AVEN: variants seen among roughly 807,000 people sequenced by gnomAD.
AVEN encodes apoptosis and caspase activation inhibitor, also known as cell death regulator Aven.
Under a neutral mutation model 38.1 loss-of-function variants are expected in AVEN, and 41 were observed. The observed-to-expected ratio is 1.08, with a 90% CI of 0.84 to 1.40. The LOEUF is 1.40. Ranked by LOEUF, AVEN falls within the 40% of genes most tolerant of loss-of-function variation. The pLI is 0.00. For synonymous variants in AVEN, 206 were observed against 171.8 expected, an observed-to-expected ratio of 1.20 and a Z score of -1.56; for missense variants, 605 against 438.8, an observed-to-expected ratio of 1.38 and a Z score of -3.38.
downstream of AVEN, among the ~76,000 whole-genome samples, chr15:33,862,130 T>C (rs1043442808): frequency 1.3e-5 from 2 of 152,060 alleles, no homozygotes; most frequent in African/African-American, 4.8e-5. Flanking sequence ...TAACTGTTCA[T>C]TTACAAGAAA....
At chr15:33,928,081 C>T (rs1893697689) in intron 2 of AVEN, among the ~76,000 whole-genome samples, 1 of 152,166 alleles carries the variant, frequency 6.6e-6, no homozygotes, top group African/African-American at 2.4e-5. Context: ...ACTTTTCCAA[C>T]CACCACGTGG....
chr15:33,854,775 T>G (rs200353910), downstream of AVEN: 1 of 1,607,386 alleles, frequency 6.2e-7, no homozygotes, highest in Non-Finnish European at 8.5e-7. Flanking sequence ...GTCCTTTCTC[T>G]ACCTTGCCTG....
intron 2 of AVEN, among the ~76,000 whole-genome samples, chr15:33,898,779 T>G (rs1892354215): frequency 6.6e-6 from 1 of 152,074 alleles, no homozygotes; most frequent in South Asian, 2.1e-4. Context: ...AAAATAGCTA[T>G]GAAACAAGAC....
intron 5 of AVEN, among the ~76,000 whole-genome samples, chr15:34,051,616 G>A (rs1026198133): frequency 6.6e-6 from 1 of 151,830 alleles, no homozygotes; most frequent in Non-Finnish European, 1.5e-5. Context: ...GAAGAAAAGA[G>A]AGAAGAATCA....
intron 2 of AVEN, among the ~76,000 whole-genome samples, chr15:33,904,700 T>A (rs1171298597): frequency 5.9e-4 from 37 of 63,178 alleles, no homozygotes; most frequent in Middle Eastern, 7.1e-3. Flanking sequence ...AAAAAATATA[T>A]ATATATATAT....
intron 5 of AVEN, among the ~76,000 whole-genome samples, 200 bp downstream of exon 5, chr15:33,867,295 G>A (rs192479945): frequency 6.6e-6 from 1 of 152,180 alleles, no homozygotes; most frequent in Admixed American, 6.5e-5. Context: ...TTGGAAGCTT[G>A]GTGTGTCGCG....
At chr15:33,926,071 G>A (rs1281337073) in intron 2 of AVEN, among the ~76,000 whole-genome samples, 1 of 152,078 alleles carries the variant, frequency 6.6e-6, no homozygotes, top group Non-Finnish European at 1.5e-5. Flanking sequence ...GATGGCAGGG[G>A]AACATTACCA....
chr15:33,866,936 G>GTT (rs200821112), intron 5 of AVEN, among the ~76,000 whole-genome samples: 1 of 150,178 alleles, frequency 6.7e-6, no homozygotes. Flanking sequence ...TTGCTAGTTG[G>GTT]TTTTTTTTTC....
intron 2 of AVEN, among the ~76,000 whole-genome samples, chr15:33,912,589 G>A (rs973088060): frequency 6.6e-5 from 10 of 152,150 alleles, no homozygotes; most frequent in African/African-American, 1.9e-4. Flanking sequence ...TCTCAAAGAG[G>A]ATACTTCAGT....
chr15:33,937,362 TCTC>T (rs2153052648), intron 2 of AVEN, among the ~76,000 whole-genome samples: 2 of 150,640 alleles, frequency 1.3e-5, no homozygotes, highest in South Asian at 4.2e-4. Context: ...GTGAAACCCA[TCTC>T]TACTAAAAAT....
At chr15:34,000,224 C>A (rs952267049) in intron 2 of AVEN, among the ~76,000 whole-genome samples, 1 of 152,300 alleles carries the variant, frequency 6.6e-6, no homozygotes, top group South Asian at 2.1e-4. Context: ...GCAATTATAG[C>A]ATTTAACATT....
rs188954456 is a variant in AVEN, at chr15:34,014,790, G to A, written c.268-11581C>T. On this transcript the variant is annotated intron_variant, in intron 1 of 5. Transcript: ENST00000306730. Reference sequence around the variant, plus strand: ...GGAATTTGCAGCTAAGGCTGAAGGAGCTGAGAATGTGGCCCCTTGACCTCT... The same window carrying A: ...GGAATTTGCAGCTAAGGCTGAAGGAACTGAGAATGTGGCCCCTTGACCTCT... Among the ~76,000 whole-genome samples, 3 of 152,322 alleles carry A rather than the reference G, an allele frequency of 2.0e-5. No homozygotes were observed. In the East Asian group the frequency reaches 5.8e-4, roughly 29 times the overall value.
chr15:34,029,205 T>C (rs1898645106), intron 1 of AVEN, among the ~76,000 whole-genome samples: 3 of 152,142 alleles, frequency 2.0e-5, no homozygotes, highest in Admixed American at 1.3e-4. Flanking sequence ...CCACCGCCAC[T>C]GCCAACTCTA....
chr15:33,852,507 T>C, the AVEN span: 1 of 155,316 alleles, frequency 6.4e-6, no homozygotes, highest in African/African-American at 2.4e-5. Flanking sequence ...GAATAGAAAA[T>C]AGAGTGGAAA....
chr15:34,006,812 G>T (rs1432344967), intron 1 of AVEN, among the ~76,000 whole-genome samples: 1 of 152,156 alleles, frequency 6.6e-6, no homozygotes, highest in Admixed American at 6.5e-5. Flanking sequence ...AAAAAGTTTA[G>T]AAGACATTTG....
At chr15:33,869,064 T>C (rs541436516) in intron 4 of AVEN, among the ~76,000 whole-genome samples, 1 of 152,312 alleles carries the variant, frequency 6.6e-6, no homozygotes, top group Non-Finnish European at 1.5e-5. Context: ...ATAAACATCC[T>C]GAGCAGACAT....
chr15:33,921,833 A>G (rs1014171059), intron 2 of AVEN, among the ~76,000 whole-genome samples: 2 of 152,200 alleles, frequency 1.3e-5, no homozygotes, highest in Non-Finnish European at 2.9e-5. Flanking sequence ...TGACCTGGCT[A>G]TATTATTATT....
intron 2 of AVEN, among the ~76,000 whole-genome samples, chr15:33,924,152 C>T (rs1347463251): frequency 6.6e-6 from 1 of 151,860 alleles, no homozygotes; most frequent in African/African-American, 2.4e-5. Context: ...ACCACTAATG[C>T]ATAGTATTTC....
At position 33,950,181 on chromosome 15, in the gene AVEN, T is replaced by C. The variant is rs139515937; in HGVS notation, c.445+52851A>G. Among the ~76,000 whole-genome samples the C allele has an allele frequency of 3.6e-3, 555 of 152,104 alleles. 2 individuals are homozygous for C. The highest frequency in any genetic ancestry group is 0.013 in the African/African-American group (538 of 41,476). ...GAGTCAAATCCACAGAAGCAGAGAG[T>C]AGAACAGTGGTTGCCAGAGGCTGGA... On this transcript the variant is annotated intron_variant, in intron 2 of 5. Transcript: ENST00000306730.
Sources: allele counts gnomAD v4.1 joint callset (sites outside exome capture counted in the v4.1 genomes callset), GRCh38; gene constraint gnomAD v4.1.1; transcripts MANE v1.5; gene names NCBI Gene and HGNC (gene_info 2026-07-23, HGNC 2026-07-21).